The following PDE3A variants were observed in gnomAD, a reference collection of about 807,000 sequenced individuals.
The protein encoded by PDE3A is cGMP-inhibited 3',5'-cyclic phosphodiesterase 3A.
PDE3A carries 43 observed loss-of-function variants against 98.3 expected under a neutral mutation model. The observed-to-expected ratio is 0.44, with a 90% CI of 0.34 to 0.56. The LOEUF is 0.56. Ranked by LOEUF, PDE3A falls within the 20% of genes least tolerant of loss-of-function variation. The probability of loss-of-function intolerance (pLI) is 0.01; values close to 1 mark genes in which losing one functional copy is unlikely to be tolerated. For missense variants in PDE3A, 1,427 were observed against 1,440.7 expected (o/e 0.99, Z 0.15); for synonymous variants, 663 against 567.9 (o/e 1.17, Z -2.38).
At chr12:20,469,271 C>A (rs1945395812) in intron 1 of PDE3A, among the ~76,000 whole-genome samples, 1 of 151,948 alleles carries the variant, frequency 6.6e-6, no homozygotes, top group African/African-American at 2.4e-5. Context: ...TAATGAATAC[C>A]CTTCTAGTTA....
At chr12:20,667,671 C>T (rs1272654750) in intron 15 of PDE3A, among the ~76,000 whole-genome samples, 1 of 151,942 alleles carries the variant, frequency 6.6e-6, no homozygotes, top group Non-Finnish European at 1.5e-5. Flanking sequence ...TTTACTATAC[C>T]CTTGAAGCAT....
At chr12:20,666,082 C>T (rs779126967) in intron 15 of PDE3A, among the ~76,000 whole-genome samples, 1 of 151,352 alleles carries the variant, frequency 6.6e-6, no homozygotes, top group Non-Finnish European at 1.5e-5. Context: ...ATTCTCCTGC[C>T]TCAGCCCCCC....
intron 2 of PDE3A, among the ~76,000 whole-genome samples, chr12:20,580,753 A>C (rs534308586): frequency 6.6e-6 from 1 of 152,322 alleles, no homozygotes; most frequent in South Asian, 2.1e-4. Context: ...TCAGAGGAAT[A>C]AATGTACAGC....
Position 20,632,949 on chromosome 12 carries a change from C to CTTTTTT in PDE3A, c.1761-730_1761-725dup, listed in dbSNP as rs5796876. The stretch of plus-strand genomic sequence containing the variant: ...AAATAAAATAAATCTAATAATGAGG[C>CTTTTTT]TTTTTTTTTTTTTTTTTTTGAGATG... On this transcript the variant is annotated intron_variant, in intron 6 of 15. Coordinates refer to ENST00000359062, the MANE Select transcript of PDE3A (RefSeq NM_000921.5). 4.9e-5 allele frequency among the ~76,000 whole-genome samples: 5 copies of CTTTTTT among 102,122 alleles called. 1 individual carries two copies. The highest frequency in any genetic ancestry group is 1.2e-4 in the African/African-American group (3 of 25,086). 67.0% of individuals were successfully genotyped at this position (102,122 alleles called of 152,430 possible).
intron 1 of PDE3A, among the ~76,000 whole-genome samples, chr12:20,437,982 T>TC (rs397957601): frequency 6.6e-6 from 1 of 151,734 alleles, no homozygotes; most frequent in Non-Finnish European, 1.5e-5. Flanking sequence ...ATTTTTTTTT[T>TC]CCAGTAAGAT....
chr12:20,369,137 T>C lies in PDE3A; in HGVS notation c.-148T>C, dbSNP rs1042452283. ...GAAAGCTGAAACTTTCAGTGGATTG[T>C]GGGCCTGGGGAGAAGAAGGATTCCG... On this transcript the variant is annotated 5_prime_UTR_variant, in exon 1 of 16. Transcript: ENST00000359062. 1 of 563,646 alleles carries C rather than the reference T, an allele frequency of 1.8e-6. No individual in the cohort carries two copies. The highest frequency in any genetic ancestry group is 3.0e-6 in the Non-Finnish European group (1 of 328,560). The allele number at this position is 563,646 out of a possible 1,614,324, so 34.9% of individuals were successfully genotyped here.
At chr12:20,388,952 T>A (rs1943864276) in intron 1 of PDE3A, among the ~76,000 whole-genome samples, 2 of 151,992 alleles carry the variant, frequency 1.3e-5, no homozygotes, top group South Asian at 4.1e-4. Flanking sequence ...AGCTGTACAA[T>A]TTTGCAGAAA....
chr12:20,602,185 A>C (rs1009116451), intron 2 of PDE3A, among the ~76,000 whole-genome samples: 4 of 152,190 alleles, frequency 2.6e-5, no homozygotes, highest in African/African-American at 9.6e-5. Context: ...GAGCAGTCAC[A>C]TGAGTAGCTC....
chr12:20,421,616 C>G (rs369612842), intron 1 of PDE3A, among the ~76,000 whole-genome samples: 26 of 130,372 alleles, frequency 2.0e-4, no homozygotes, highest in African/African-American at 6.9e-4. Context: ...AAAAAAAAAA[C>G]CACCCATGCT....
chr12:20,504,825 C>G (rs1946085939), intron 1 of PDE3A, among the ~76,000 whole-genome samples: 1 of 152,162 alleles, frequency 6.6e-6, no homozygotes, highest in African/African-American at 2.4e-5. Flanking sequence ...TAACATTGGG[C>G]CCACCCAGAA....
chr12:20,581,427 C>T (rs901154115), intron 2 of PDE3A, among the ~76,000 whole-genome samples: 3 of 152,134 alleles, frequency 2.0e-5, no homozygotes, highest in African/African-American at 7.2e-5. Flanking sequence ...AGACAGAGAA[C>T]ATGCTTCACA....
intron 1 of PDE3A, among the ~76,000 whole-genome samples, chr12:20,402,678 C>G (rs1302485879): frequency 6.6e-6 from 1 of 152,070 alleles, no homozygotes; most frequent in Non-Finnish European, 1.5e-5. Flanking sequence ...AAATTTTGAG[C>G]AAATAATTTA....
intron 1 of PDE3A, among the ~76,000 whole-genome samples, chr12:20,377,128 G>A (rs1943587290): frequency 6.6e-6 from 1 of 151,788 alleles, no homozygotes; most frequent in Non-Finnish European, 1.5e-5. Flanking sequence ...GTGTGCATGT[G>A]TGATTTTCCC....
At chr12:20,587,066 ATAACT>A (rs1387806798) in intron 2 of PDE3A, among the ~76,000 whole-genome samples, 1 of 152,190 alleles carries the variant, frequency 6.6e-6, no homozygotes, top group African/African-American at 2.4e-5. Flanking sequence ...TAGGCAATAA[ATAACT>A]TAAAATTAGT....
intron 15 of PDE3A, 84 bp downstream of exon 15, chr12:20,654,289 C>A: frequency 3.1e-6 from 4 of 1,272,138 alleles, no homozygotes; most frequent in Non-Finnish European, 4.5e-6. Flanking sequence ...TTATGAAATA[C>A]ACAATACTTC....
In PDE3A at chr12:20,637,160, C is replaced by G. The variant is rs1944533635; in HGVS notation, c.2062C>G (p.Gln688Glu). The G allele has an allele frequency of 6.2e-7, 1 of 1,608,644 alleles. No individual in the cohort carries two copies. The highest frequency in any genetic ancestry group is 1.3e-5 in the African/African-American group (1 of 74,882). ...VMDNLDSIME[Q>E]LNTWNFPIFD... ...GGATAACCTGGACTCAATTATGGAG[C>G]AGCTAAATACTTGGAATTTTCCAAT... is the stretch of plus-strand genomic sequence containing the variant. The change falls in exon 9 of 16, where the codon CAG becomes GAG. Residue 688 changes from glutamine to glutamate, a missense_variant. By Grantham distance (29) the Gln-to-Glu change is conservative (BLOSUM62 2). This residue lies in a region of PDE3A where 1,012 missense variants were observed against 886.5 expected (regional missense o/e 1.14). Coordinates refer to ENST00000359062, the MANE Select transcript of PDE3A (RefSeq NM_000921.5).
At chr12:20,624,205 A>G (rs1343794495) in intron 5 of PDE3A, among the ~76,000 whole-genome samples, 1 of 152,156 alleles carries the variant, frequency 6.6e-6, no homozygotes. Context: ...AAATTGTCAT[A>G]ATTTAAAACT....
At chr12:20,555,102 C>A (rs752878165) in intron 1 of PDE3A, among the ~76,000 whole-genome samples, 2 of 152,080 alleles carry the variant, frequency 1.3e-5, no homozygotes, top group African/African-American at 4.8e-5. Flanking sequence ...TGGGTCACTG[C>A]AACCTCTGCC....
chr12:20,601,317 A>T (rs562250177), intron 2 of PDE3A, among the ~76,000 whole-genome samples: 1 of 152,244 alleles, frequency 6.6e-6, no homozygotes, highest in Non-Finnish European at 1.5e-5. Flanking sequence ...GAATATCCCA[A>T]TAGGCATTAA....
Sources: gnomAD v4.1 joint callset for allele counts (sites outside exome capture counted in the v4.1 genomes callset) on GRCh38, gnomAD v4.1.1 for gene constraint, gnomAD v4.1.1 regional missense constraint, MANE v1.5 for transcripts, NCBI Gene and HGNC (gene_info 2026-07-23, HGNC 2026-07-21) for gene names.